The following ANO10 variants were observed in gnomAD, a reference collection of about 807,000 sequenced individuals.
ANO10 encodes the protein anoctamin 10.
Under a neutral mutation model 74.7 loss-of-function variants are expected in ANO10, and 77 were observed. The observed-to-expected ratio is 1.03, with a 90% CI of 0.86 to 1.25. The LOEUF is 1.25. ANO10 is among the 50% of genes most tolerant of loss of function. ANO10 has a pLI of 0.00. For synonymous variants in ANO10, 279 were observed against 284.9 expected, an observed-to-expected ratio of 0.98 and a Z score of 0.21; for missense variants, 721 against 778.1, an observed-to-expected ratio of 0.93 and a Z score of 0.87.
intron 8 of ANO10, among the ~76,000 whole-genome samples, chr3:43,564,329 C>G (rs78862985): frequency 6.6e-6 from 1 of 151,768 alleles, no homozygotes; most frequent in Non-Finnish European, 1.5e-5. Flanking sequence ...CCATTATGCC[C>G]GGCCTTCATT....
rs142315205 is a variant in ANO10 at position 43,454,261 on chromosome 3, A to C, written c.1798-21534T>G. The stretch of plus-strand genomic sequence containing the variant: ...AGAACGTTGAGAGGAGTTGATGATA[A>C]GGGCAGAGAGATAATCATGGGCCTG... On this transcript the variant is annotated intron_variant, in intron 11 of 12. Transcript: ENST00000292246. 3.7e-3 allele frequency among the ~76,000 whole-genome samples: 567 copies of C among 152,298 alleles called. 3 individuals are homozygous for C. Among genetic ancestry groups the C allele is most frequent in the Non-Finnish European group, 6.2e-3 (419 of 68,014 alleles).
rs1436555004 is a variant in ANO10 at position 43,586,619 on chromosome 3, A to G, written c.473-6147T>C. On this transcript the variant is annotated intron_variant, in intron 4 of 12. Transcript: ENST00000292246. Reference sequence around the variant, plus strand: ...AAATACTGCCTGGAAAAAAGGGAAAAACCAAAAATACTACAAGAAAAAATA... The same window carrying G: ...AAATACTGCCTGGAAAAAAGGGAAAGACCAAAAATACTACAAGAAAAAATA... Among the ~76,000 whole-genome samples, 6 of 152,304 alleles carry G rather than the reference A, an allele frequency of 3.9e-5. No homozygotes were observed. In the East Asian group the frequency reaches 1.2e-3, roughly 29 times the overall value.
intron 1 of ANO10, among the ~76,000 whole-genome samples, chr3:43,684,229 T>C (rs1393579898): frequency 6.6e-6 from 1 of 151,810 alleles, no homozygotes; most frequent in Non-Finnish European, 1.5e-5. Flanking sequence ...CCAACAAATT[T>C]ACAAGAAAAA....
chr3:43,551,048 C>T (rs1331152258), intron 10 of ANO10, among the ~76,000 whole-genome samples: 1 of 152,148 alleles, frequency 6.6e-6, no homozygotes, highest in Non-Finnish European at 1.5e-5. Context: ...TAAAAGAGCT[C>T]CCTCATTCTT....
At chr3:43,485,117 A>G (rs781760126) in intron 11 of ANO10, 121 of 943,212 alleles carry the variant, frequency 1.3e-4, no homozygotes, top group Non-Finnish European at 1.8e-4. Context: ...GATCACCTCC[A>G]CCTTCATCTG....
At chr3:43,650,097 C>T (rs9876963) in intron 1 of ANO10, among the ~76,000 whole-genome samples, 2 of 152,230 alleles carry the variant, frequency 1.3e-5, no homozygotes, top group African/African-American at 4.8e-5. Context: ...GTATCCCAAG[C>T]TCTTGTCCAG....
At chr3:43,412,766 T>C (rs566817255) in intron 12 of ANO10, among the ~76,000 whole-genome samples, 1 of 152,308 alleles carries the variant, frequency 6.6e-6, no homozygotes, top group Admixed American at 6.5e-5. Context: ...ACAATCTCGA[T>C]GTGGCTGGGC....
chr3:43,622,309 TC>T (rs2083436513), upstream of ANO10, among the ~76,000 whole-genome samples: 1 of 151,586 alleles, frequency 6.6e-6, no homozygotes, highest in Admixed American at 6.6e-5. Context: ...CCCATCGAAA[TC>T]CGGACGGCAG....
chr3:43,447,488 C>A (rs2093264797), intron 11 of ANO10, among the ~76,000 whole-genome samples: 1 of 152,164 alleles, frequency 6.6e-6, no homozygotes, highest in Admixed American at 6.5e-5. Context: ...ACACACTTAA[C>A]CGCCATTTGC....
At chr3:43,537,612 C>T (rs62250951) in intron 11 of ANO10, among the ~76,000 whole-genome samples, 13 of 19,134 alleles carry the variant, frequency 6.8e-4, no homozygotes, top group African/African-American at 3.0e-3. Context: ...CTTTATAAAC[C>T]ACACACACAC....
At position 43,648,965 on chromosome 3, in the gene ANO10, C is replaced by T. The variant is rs543281606; in HGVS notation, c.-12+42552G>A. Among the ~76,000 whole-genome samples, 4 of 152,316 alleles carry T rather than the reference C, an allele frequency of 2.6e-5. No individual in the cohort carries two copies. In the South Asian group the frequency reaches 8.3e-4, roughly 32 times the overall value. ...GTGCTGGGATTACAGGCGTGAGCCA[C>T]GGCGCCCAGCCTTAGCTGGCTTCTT... On this transcript the variant is annotated intron_variant, in intron 1 of 3. Transcript: ENST00000413397.
At chr3:43,485,560 CA>C in intron 11 of ANO10, 1 of 231,138 alleles carries the variant, frequency 4.3e-6, no homozygotes, top group Non-Finnish European at 8.5e-6. Flanking sequence ...TCAGAGAAGA[CA>C]AGGCTTGCCA....
intron 11 of ANO10, among the ~76,000 whole-genome samples, chr3:43,487,584 A>G (rs918484690): frequency 7.9e-5 from 12 of 151,976 alleles, no homozygotes; most frequent in East Asian, 7.7e-4. Context: ...TTTCTAGTTT[A>G]TTTGCGTAGA....
intron 11 of ANO10, among the ~76,000 whole-genome samples, chr3:43,499,021 A>G (rs894345106): frequency 1.3e-5 from 2 of 152,156 alleles, no homozygotes; most frequent in African/African-American, 4.8e-5. Flanking sequence ...CTGAGGAAGA[A>G]GCTAAAAATC....
At chr3:43,625,371 A>G (rs2083482207), upstream of ANO10, among the ~76,000 whole-genome samples, 1 of 152,290 alleles carries the variant, frequency 6.6e-6, no homozygotes, top group South Asian at 2.1e-4. Flanking sequence ...GACTCTCACT[A>G]CTACTCTATC....
At chr3:43,444,909 G>A (rs1162890383) in intron 11 of ANO10, among the ~76,000 whole-genome samples, 2 of 152,060 alleles carry the variant, frequency 1.3e-5, no homozygotes, top group African/African-American at 2.4e-5. Flanking sequence ...GGATCACTAG[G>A]TCAGGAGATC....
chr3:43,483,974 T>C (rs1433457874), intron 11 of ANO10, among the ~76,000 whole-genome samples: 5 of 152,212 alleles, frequency 3.3e-5, no homozygotes, highest in African/African-American at 1.2e-4. Flanking sequence ...TCTCATTCTA[T>C]TGCCCAGGCT....
intron 1 of ANO10, among the ~76,000 whole-genome samples, chr3:43,631,879 T>G (rs2083551768): frequency 6.6e-6 from 1 of 151,552 alleles, no homozygotes. Context: ...GGTCAGGAGT[T>G]CAAGACCAGA....
In ANO10 at chr3:43,567,574, A is replaced by G. The variant is rs961599550; in HGVS notation, c.1219-1847T>C. On this transcript the variant is annotated intron_variant, in intron 7 of 12. Coordinates refer to ENST00000292246, the MANE Select transcript of ANO10 (RefSeq NM_018075.5). Reference sequence around the variant, plus strand: ...ATTTTCAACCCAGAATTTCATATCCAGACAAACTAAGCTTCATAAGTGAAG... The same window carrying G: ...ATTTTCAACCCAGAATTTCATATCCGGACAAACTAAGCTTCATAAGTGAAG... 7.2e-5 allele frequency among the ~76,000 whole-genome samples: 11 copies of G among 152,286 alleles called. No homozygotes were observed. In the East Asian group the frequency reaches 2.1e-3, roughly 29 times the overall value.
Sources: gnomAD v4.1 joint callset for allele counts (sites outside exome capture counted in the v4.1 genomes callset) on GRCh38, gnomAD v4.1.1 for gene constraint, MANE v1.5 for transcripts, NCBI Gene and HGNC (gene_info 2026-07-23, HGNC 2026-07-21) for gene names.